KCNK9: variants seen among roughly 807,000 people sequenced by gnomAD.
The protein encoded by KCNK9 is potassium two pore domain channel subfamily K member 9.
A neutral mutation model predicts 10.8 loss-of-function variants in KCNK9; 1 was observed. The observed-to-expected ratio is 0.09, with a 90% CI of 0.03 to 0.44. KCNK9 has a LOEUF of 0.44. Ranked by LOEUF, KCNK9 falls within the 20% of genes least tolerant of loss-of-function variation. KCNK9 has a pLI of 0.97. For synonymous variants in KCNK9, 231 were observed against 222.7 expected (o/e 1.04, Z -0.33); for missense variants, 303 against 515.0 (o/e 0.59, Z 3.98).
rs1468248596 is a variant in KCNK9 at position 139,618,188 on chromosome 8, C to G, written c.*70G>C. 1.3e-6 allele frequency: 2 copies of G among 1,567,650 alleles called. No homozygotes were observed. Among genetic ancestry groups the G allele is most frequent in the East Asian group, 4.5e-5 (2 of 44,662 alleles). Reference sequence around the variant, plus strand: ...ATAATAATAAATAAATAAGAAAAGACGAGTTGGACCAATGGAAATTAACAC... The same window carrying G: ...ATAATAATAAATAAATAAGAAAAGAGGAGTTGGACCAATGGAAATTAACAC... On this transcript the variant is annotated 3_prime_UTR_variant, in exon 2 of 2. Coordinates refer to ENST00000520439, the MANE Select transcript of KCNK9 (RefSeq NM_001282534.2). This position sits in a 1 kb window ranked among gnomAD's most constrained non-coding sequence, Gnocchi z 7.9.
chr8:139,675,366 T>C (rs1816525649), intron 1 of KCNK9, among the ~76,000 whole-genome samples: 1 of 152,200 alleles, frequency 6.6e-6, no homozygotes, highest in Non-Finnish European at 1.5e-5. Flanking sequence ...AAAATCCATA[T>C]GTTAAAATTT....
At chr8:139,602,320 C>T (rs890079427) in intron 2 of KCNK9, among the ~76,000 whole-genome samples, 5 of 152,182 alleles carry the variant, frequency 3.3e-5, no homozygotes, top group Non-Finnish European at 7.3e-5. Context: ...CCGGGGAAAA[C>T]GGATTGATCA....
intron 1 of KCNK9, among the ~76,000 whole-genome samples, chr8:139,631,649 CA>C (rs1189833664): frequency 6.6e-6 from 1 of 151,974 alleles, no homozygotes. Flanking sequence ...TCTCCCACTC[CA>C]AAAAAATTTT....
intron 1 of KCNK9, among the ~76,000 whole-genome samples, chr8:139,659,257 C>T (rs1816093263): frequency 6.6e-6 from 1 of 152,106 alleles, no homozygotes; most frequent in African/African-American, 2.4e-5. Flanking sequence ...GAGTCCTGAC[C>T]CCCTGAGACC....
rs201576708 is a variant in KCNK9, at chr8:139,618,684, C to T, written c.699G>A (p.Thr233=). The change falls in exon 2 of 2, where the codon ACG becomes ACA. Residue 233 remains threonine (T), a synonymous_variant. Transcript: ENST00000520439. This position sits in a 1 kb window ranked among gnomAD's most constrained non-coding sequence, Gnocchi z 7.9. ...FSFMYILVGL[T]VIGAFLNLVV... is the part of the protein sequence containing the mutation. ...CCAGGTTGAGGAAGGCCCCGATGAC[C>T]GTCAGCCCCACCAGGATATACATAA... 9 of 1,614,204 alleles carry T rather than the reference C, an allele frequency of 5.6e-6. No homozygotes were observed. Among genetic ancestry groups the T allele is most frequent in the African/African-American group, 4.0e-5 (3 of 75,048 alleles).
At chr8:139,638,841 C>T (rs746330550) in intron 1 of KCNK9, among the ~76,000 whole-genome samples, 3 of 152,214 alleles carry the variant, frequency 2.0e-5, no homozygotes, top group Non-Finnish European at 4.4e-5. Flanking sequence ...AGGCATCATC[C>T]GCTCTGCCTG....
chr8:139,627,228 C>G (rs1329702541), intron 1 of KCNK9, among the ~76,000 whole-genome samples: 2 of 152,208 alleles, frequency 1.3e-5, no homozygotes, highest in Non-Finnish European at 2.9e-5. Flanking sequence ...CTTTTCCCAA[C>G]TCATTCTCTC....
rs187841501 is a variant in KCNK9 at position 139,669,646 on chromosome 8, A to G, written c.283+33064T>C. Among the ~76,000 whole-genome samples the G allele has an allele frequency of 4.0e-4, 61 of 152,274 alleles. 1 individual carries two copies. Among genetic ancestry groups the G allele is most frequent in the Admixed American group, 2.2e-3 (33 of 15,288 alleles). ...CACCACATCTGTGGTTACTTCCTCA[A>G]CTGAAGTCTTGAACCCCTCAAAGGG... On this transcript the variant is annotated intron_variant, in intron 1 of 1. Coordinates refer to ENST00000520439, the MANE Select transcript of KCNK9 (RefSeq NM_001282534.2).
intron 1 of KCNK9, among the ~76,000 whole-genome samples, chr8:139,645,041 C>T (rs1427227117): frequency 6.6e-6 from 1 of 152,206 alleles, no homozygotes; most frequent in Non-Finnish European, 1.5e-5. Flanking sequence ...GTCAGACCCA[C>T]GCACGGGGTG....
intron 1 of KCNK9, among the ~76,000 whole-genome samples, chr8:139,653,591 G>A (rs1324592149): frequency 1.3e-5 from 2 of 151,890 alleles, no homozygotes; most frequent in African/African-American, 4.8e-5. Context: ...GAGCCCTGTA[G>A]GGGAGCAGGT....
chr8:139,610,442 C>T (rs61244884), downstream of KCNK9, among the ~76,000 whole-genome samples: 1,280 of 152,300 alleles, frequency 8.4e-3, 17 homozygotes, highest in African/African-American at 0.029. Context: ...CAGCATTTTC[C>T]TTTTGTTAGT....
intron 1 of KCNK9, among the ~76,000 whole-genome samples, chr8:139,622,085 G>A (rs1033853239): frequency 2.6e-5 from 4 of 152,156 alleles, no homozygotes; most frequent in African/African-American, 7.2e-5. Context: ...TTCTCCTGCC[G>A]TCTTACTACA....
At chr8:139,603,511 T>C (rs943314438) in intron 2 of KCNK9, among the ~76,000 whole-genome samples, 1 of 152,196 alleles carries the variant, frequency 6.6e-6, no homozygotes, top group Non-Finnish European at 1.5e-5. Context: ...AGAAAGATGG[T>C]TTCGTATTTT....
downstream of KCNK9, among the ~76,000 whole-genome samples, chr8:139,609,288 C>T (rs530218744): frequency 8.5e-4 from 108 of 126,882 alleles, no homozygotes; most frequent in African/African-American, 2.9e-3. Context: ...AGTGTGCCAG[C>T]GGGAAGAAAC....
chr8:139,661,994 T>G (rs1228923982), intron 1 of KCNK9, among the ~76,000 whole-genome samples: 32 of 152,122 alleles, frequency 2.1e-4, no homozygotes, highest in Admixed American at 2.1e-3. Context: ...GACCAAGGTG[T>G]GTCGAGAGGG....
intron 1 of KCNK9, among the ~76,000 whole-genome samples, chr8:139,664,340 G>A (rs1204374481): frequency 6.6e-6 from 1 of 152,144 alleles, no homozygotes; most frequent in Non-Finnish European, 1.5e-5. Flanking sequence ...TGCTGGTCCA[G>A]GGAGCTGCTC....
At chr8:139,602,308 T>A (rs1817390670) in intron 2 of KCNK9, among the ~76,000 whole-genome samples, 1 of 152,232 alleles carries the variant, frequency 6.6e-6, no homozygotes, top group Non-Finnish European at 1.5e-5. Context: ...GCCACCAGTG[T>A]TCCGGGGAAA....
intron 1 of KCNK9, among the ~76,000 whole-genome samples, chr8:139,686,712 T>A (rs1217365892): frequency 1.3e-5 from 2 of 152,232 alleles, no homozygotes; most frequent in Non-Finnish European, 2.9e-5. Context: ...ACAAGCAGTC[T>A]GGCTCCAAAA....
intron 1 of KCNK9, among the ~76,000 whole-genome samples, chr8:139,652,850 C>T (rs1815909980): frequency 6.6e-6 from 1 of 152,170 alleles, no homozygotes; most frequent in South Asian, 2.1e-4. Context: ...CCCCTCAGCC[C>T]CTGAACCTGC....
Sources: gnomAD v4.1 joint callset for allele counts (sites outside exome capture counted in the v4.1 genomes callset) on GRCh38, gnomAD v4.1.1 for gene constraint, Gnocchi (gnomAD v3.1) non-coding constraint, MANE v1.5 for transcripts, NCBI Gene and HGNC (gene_info 2026-07-23, HGNC 2026-07-21) for gene names.